DCAF8L1: variants seen among roughly 807,000 people sequenced by gnomAD.
DCAF8L1 encodes DDB1- and CUL4-associated factor 8-like protein 1.
For missense variants in DCAF8L1, 434 were observed against 481.6 expected, an observed-to-expected ratio of 0.90 and a Z score of 0.92; for synonymous variants, 217 against 186.8, an observed-to-expected ratio of 1.16 and a Z score of -1.32.
At position 27,981,425 on chromosome X, in the gene DCAF8L1, C is replaced by T. The variant is rs1020744384; in HGVS notation, c.-91G>A. 2.3e-5 allele frequency: 25 copies of T among 1,108,272 alleles called. No homozygotes were observed. Among genetic ancestry groups the T allele is most frequent in the Non-Finnish European group, 3.0e-5 (25 of 834,201 alleles). The allele number at this position is 1,108,272 out of a possible 1,213,427, so 91.3% of individuals were successfully genotyped here. A position where few individuals can be genotyped will look rare whatever the true frequency, so the allele number is the denominator to read the frequency against. On this transcript the variant is annotated 5_prime_UTR_variant, in exon 1 of 1. Coordinates refer to ENST00000441525, the MANE Select transcript of DCAF8L1 (RefSeq NM_001017930.2). The stretch of plus-strand genomic sequence containing the variant: ...AGAGCACGCCTGCCCCGAGGACGGA[C>T]GGTCGGAGAAGGCAGTAGGTAAGCA...
chrX:27,978,793 G>C lies in DCAF8L1; in HGVS notation c.*739C>G, dbSNP rs931069007. ...CTCTGTGTGTATGTGTGTGTGCATAGCTGGCCAGGAGCTCTGTGCCATCGT... is the reference window on the plus strand; with the variant it reads ...CTCTGTGTGTATGTGTGTGTGCATACCTGGCCAGGAGCTCTGTGCCATCGT... On this transcript the variant is annotated 3_prime_UTR_variant, in exon 1 of 1. Coordinates refer to ENST00000441525, the MANE Select transcript of DCAF8L1 (RefSeq NM_001017930.2). 3.2e-5 allele frequency: 27 copies of C among 842,118 alleles called. No individual in the cohort carries two copies. The Admixed American group carries it at 5.5e-4, about 17-fold the overall frequency. 69.4% of individuals were successfully genotyped at this position (842,118 alleles called of 1,213,427 possible).
rs184621419 is a variant in DCAF8L1 at position 27,980,360 on chromosome X, A to C, written c.975T>G (p.Val325=). Residue 325 remains valine (V), a synonymous_variant, in exon 1 of 1, where the codon GTT becomes GTG. Transcript: ENST00000441525. ...TCTTATCATTTTCTCTTGTTACCACAACTTTTGAAGCTGGCCGGTCTTGCC... is the reference window on the plus strand; with the variant it reads ...TCTTATCATTTTCTCTTGTTACCACCACTTTTGAAGCTGGCCGGTCTTGCC... ...DLRQDRPASK[V]VVTRENDKKV... is the part of the protein sequence containing the mutation. 1 of 1,210,597 alleles carries C rather than the reference A, an allele frequency of 8.3e-7. No individual in the cohort carries two copies. The highest frequency in any genetic ancestry group is 3.0e-5 in the East Asian group (1 of 33,733).
chrX:27,980,573 G>C lies in DCAF8L1; in HGVS notation c.762C>G (p.Ser254=). ...QAKFFPNCGD[S]TLAMCGHDGQ... The stretch of plus-strand genomic sequence containing the variant: ...CATCATGGCCACACATGGCCAGAGT[G>C]GAATCACCACAGTTAGGAAAGAACT... The change falls in exon 1 of 1, where the codon TCC becomes TCG. Residue 254 remains serine, a synonymous_variant. Transcript: ENST00000441525. 8.2e-7 allele frequency: 1 copy of C among 1,212,125 alleles called. No homozygotes were observed. Among genetic ancestry groups the C allele is most frequent in the Non-Finnish European group, 1.1e-6 (1 of 895,626 alleles).
Position 27,980,284 on chromosome X carries a change from C to A in DCAF8L1, c.1051G>T (p.Ala351Ser). The change falls in exon 1 of 1, where the codon GCA becomes TCA. Residue 351 changes from alanine (A) to serine (S), a missense_variant. By Grantham distance (99) the Ala-to-Ser change is moderately conservative. Coordinates refer to ENST00000441525, the MANE Select transcript of DCAF8L1 (RefSeq NM_001017930.2). ...ACAAACTGATCATGTCCACCCACTG[C>A]AAATTGGTAAATATTGGCAGGATTC... ...SMNPANIYQF[A>S]VGGHDQFVRI... 2.5e-6 allele frequency: 3 copies of A among 1,211,863 alleles called. No homozygotes were observed. In the East Asian group the frequency reaches 8.9e-5, roughly 36 times the overall value.
chrX:27,979,820 G>T lies in DCAF8L1; in HGVS notation c.1515C>A (p.Val505=). 1 of 1,211,040 alleles carries T rather than the reference G, an allele frequency of 8.3e-7. No individual in the cohort carries two copies. Among genetic ancestry groups the T allele is most frequent in the Non-Finnish European group, 1.1e-6 (1 of 895,329 alleles). The change falls in exon 1 of 1, where the codon GTC becomes GTA. Residue 505 remains valine (V), a synonymous_variant. Coordinates refer to ENST00000441525, the MANE Select transcript of DCAF8L1 (RefSeq NM_001017930.2). The stretch of plus-strand genomic sequence containing the variant: ...TTTTAGCTGTGGGTGTCCAGATCCT[G>T]ACATGCTGATCTAGGCCACTGGTCG... ...VLATSGLDQH[V]RIWTPTAKTA...
chrX:27,980,671 C>G lies in DCAF8L1; in HGVS notation c.664G>C (p.Val222Leu). 8.2e-7 allele frequency: 1 copy of G among 1,212,125 alleles called. No homozygotes were observed. ...ASSGDDLRVIVWDWVRQKPVL... is the reference protein window; with the variant it reads ...ASSGDDLRVILWDWVRQKPVL... Reference sequence around the variant, plus strand: ...GGCTTCTGCCGCACCCAGTCCCACACTATCACCCTTAAGTCATCACCGCTA... The same window carrying G: ...GGCTTCTGCCGCACCCAGTCCCACAGTATCACCCTTAAGTCATCACCGCTA... The change falls in exon 1 of 1, where the codon GTG (valine) becomes CTG (leucine). Residue 222 changes from valine to leucine, a missense_variant. Val to Leu is a conservative substitution (Grantham distance 32, BLOSUM62 1). Coordinates refer to ENST00000441525, the MANE Select transcript of DCAF8L1 (RefSeq NM_001017930.2).
At position 27,981,431 on chromosome X, in the gene DCAF8L1, G is replaced by T; in HGVS notation, c.-97C>A. 1 of 1,085,112 alleles carries T rather than the reference G, an allele frequency of 9.2e-7. No homozygotes were observed. The highest frequency in any genetic ancestry group is 1.8e-5 in the African/African-American group (1 of 54,176). The allele number at this position is 1,085,112 out of a possible 1,213,427, so 89.4% of individuals were successfully genotyped here. On this transcript the variant is annotated 5_prime_UTR_variant, in exon 1 of 1. Transcript: ENST00000441525. ...CGCCTGCCCCGAGGACGGACGGTCG[G>T]AGAAGGCAGTAGGTAAGCAGCAAAG...
At position 27,980,790 on chromosome X, in the gene DCAF8L1, A is replaced by C; in HGVS notation, c.545T>G (p.Phe182Cys). The C allele has an allele frequency of 1.7e-6, 2 of 1,209,322 alleles. No individual in the cohort carries two copies. The highest frequency in any genetic ancestry group is 2.3e-4 in the Middle Eastern group (1 of 4,345). The stretch of plus-strand genomic sequence containing the variant: ...ATACTGCAGGCGGAAACGCTGCACA[A>C]AGGTTCTTGCCCCACAGGCCTCATA... ...FVYEACGART[F>C]VQRFRLQYLL... The change falls in exon 1 of 1, where the codon TTT (phenylalanine) becomes TGT (cysteine). Residue 182 changes from phenylalanine to cysteine, a missense_variant. Coordinates refer to ENST00000441525, the MANE Select transcript of DCAF8L1 (RefSeq NM_001017930.2).
Position 27,981,075 on chromosome X carries a change from C to T in DCAF8L1, c.260G>A (p.Gly87Asp), listed in dbSNP as rs1926641637. ...TCCCACTAACGGGTAACCAAATAAA[C>T]CTTCACCCATGCTTTCAAGTTCGAC... ...EDVELESMGEGLFGYPLVGEE... is the reference protein window; with the variant it reads ...EDVELESMGEDLFGYPLVGEE... The change falls in exon 1 of 1, where the codon GGT (glycine) becomes GAT (aspartate). Residue 87 changes from glycine to aspartate, a missense_variant. Gly to Asp is a moderately conservative substitution (Grantham distance 94). Transcript: ENST00000441525. The T allele has an allele frequency of 8.3e-7, 1 of 1,210,281 alleles. No individual in the cohort carries two copies. Among genetic ancestry groups the T allele is most frequent in the South Asian group, 1.8e-5 (1 of 56,838 alleles).
rs1425153538 is a variant in DCAF8L1, at chrX:27,978,878, G to C, written c.*654C>G. On this transcript the variant is annotated 3_prime_UTR_variant, in exon 1 of 1. Coordinates refer to ENST00000441525, the MANE Select transcript of DCAF8L1 (RefSeq NM_001017930.2). ...ATCACAATTAACCAGATGATGAAGA[G>C]TGAATTTCTTGAGTACTCCATTGTT... 5 of 873,632 alleles carry C rather than the reference G, an allele frequency of 5.7e-6. No homozygotes were observed. The highest frequency in any genetic ancestry group is 8.3e-6 in the Non-Finnish European group (5 of 600,156). The allele number at this position is 873,632 out of a possible 1,213,427, so 72.0% of individuals were successfully genotyped here.
Position 27,981,238 on chromosome X carries a change from TCAC to T in DCAF8L1, c.94_96del (p.Val32del). On this transcript the variant is annotated inframe_deletion, in exon 1 of 1. Coordinates refer to ENST00000441525, the MANE Select transcript of DCAF8L1 (RefSeq NM_001017930.2). ...ATTTCAATGTCTGAGGAGGCCGCCGTCACCGCTGCTACTCCAGACTGCTCCTCT... is the reference window on the plus strand; with the variant it reads ...ATTTCAATGTCTGAGGAGGCCGCCGTCGCTGCTACTCCAGACTGCTCCTCT... The T allele has an allele frequency of 8.3e-7, 1 of 1,211,053 alleles. No individual in the cohort carries two copies. The highest frequency in any genetic ancestry group is 1.8e-5 in the South Asian group (1 of 56,881).
At position 27,981,342 on chromosome X, in the gene DCAF8L1, G is replaced by T. The variant is rs375923258; in HGVS notation, c.-8C>A. ...GCCCTCTTGGTGGGACATCTCGAAC[G>T]ATGTTTGCTGTAGCTGATCTGGAAC... On this transcript the variant is annotated 5_prime_UTR_variant, in exon 1 of 1. Coordinates refer to ENST00000441525, the MANE Select transcript of DCAF8L1 (RefSeq NM_001017930.2). 1.7e-6 allele frequency: 2 copies of T among 1,200,291 alleles called. No homozygotes were observed. Among genetic ancestry groups the T allele is most frequent in the Non-Finnish European group, 1.1e-6 (1 of 889,127 alleles).
At position 27,978,885 on chromosome X, in the gene DCAF8L1, T is replaced by A. The variant is rs1926578872; in HGVS notation, c.*647A>T. The A allele has an allele frequency of 2.5e-5, 21 of 836,724 alleles. No individual in the cohort carries two copies. The South Asian group carries it at 4.2e-4, about 17-fold the overall frequency. 69.0% of individuals were successfully genotyped at this position (836,724 alleles called of 1,213,427 possible). A position where few individuals can be genotyped will look rare whatever the true frequency, so the allele number is the denominator to read the frequency against. ...TTAACCAGATGATGAAGAGTGAATT[T>A]CTTGAGTACTCCATTGTTTTCTTTC... On this transcript the variant is annotated 3_prime_UTR_variant, in exon 1 of 1. Coordinates refer to ENST00000441525, the MANE Select transcript of DCAF8L1 (RefSeq NM_001017930.2).
chrX:27,978,863 A>G lies in DCAF8L1; in HGVS notation c.*669T>C. The G allele has an allele frequency of 1.1e-6, 1 of 899,097 alleles. No individual in the cohort carries two copies. Among genetic ancestry groups the G allele is most frequent in the Non-Finnish European group, 1.6e-6 (1 of 621,280 alleles). 74.1% of individuals were successfully genotyped at this position (899,097 alleles called of 1,213,427 possible). On this transcript the variant is annotated 3_prime_UTR_variant, in exon 1 of 1. Transcript: ENST00000441525. ...GATGTTTGTTGGAAAATCACAATTA[A>G]CCAGATGATGAAGAGTGAATTTCTT...
Position 27,980,152 on chromosome X carries a change from A to T in DCAF8L1, c.1183T>A (p.Cys395Ser). 8.3e-7 allele frequency: 1 copy of T among 1,211,924 alleles called. No homozygotes were observed. Among genetic ancestry groups the T allele is most frequent in the Non-Finnish European group, 1.1e-6 (1 of 895,603 alleles). ...VYCDFPTNIT[C>S]VVYSHDGTEL... ...GTGCCATCGTGGCTGTACACAACGCAGGTGATGTTTGTTGGGAAATCACAA... is the reference window on the plus strand; with the variant it reads ...GTGCCATCGTGGCTGTACACAACGCTGGTGATGTTTGTTGGGAAATCACAA... Residue 395 changes from cysteine (C) to serine (S), a missense_variant, in exon 1 of 1, where the codon TGC becomes AGC. Physicochemically the swap from Cys to Ser is moderately radical, Grantham distance 112. Coordinates refer to ENST00000441525, the MANE Select transcript of DCAF8L1 (RefSeq NM_001017930.2).
In DCAF8L1 at chrX:27,980,075, A is replaced by G. The variant is rs774275461; in HGVS notation, c.1260T>C (p.Ser420=). 2 of 1,209,496 alleles carry G rather than the reference A, an allele frequency of 1.7e-6. No homozygotes were observed. Among genetic ancestry groups the G allele is most frequent in the Admixed American group, 4.4e-5 (2 of 45,641 alleles). ...NDEDIYLFNS[S]LSDGAQYVKR... ...TAACATATTGAGCACCATCACTGAG[A>G]GAGGAGTTGAAGAGGTAAATATCTT... Residue 420 remains serine, a synonymous_variant, in exon 1 of 1, where the codon TCT becomes TCC. Transcript: ENST00000441525.
In DCAF8L1 at chrX:27,978,958, A is replaced by G; in HGVS notation, c.*574T>C. On this transcript the variant is annotated 3_prime_UTR_variant, in exon 1 of 1. Coordinates refer to ENST00000441525, the MANE Select transcript of DCAF8L1 (RefSeq NM_001017930.2). ...AAATCCTTAAAAACCGATCATGTCC[A>G]CCCACTGCGAATTGGTAAATATTGG... is the stretch of plus-strand genomic sequence containing the variant. 1 of 654,973 alleles carries G rather than the reference A, an allele frequency of 1.5e-6. No homozygotes were observed. The highest frequency in any genetic ancestry group is 2.4e-6 in the Non-Finnish European group (1 of 422,481). 54.0% of individuals were successfully genotyped at this position (654,973 alleles called of 1,213,427 possible). A position where few individuals can be genotyped will look rare whatever the true frequency, so the allele number is the denominator to read the frequency against.
At position 27,981,205 on chromosome X, in the gene DCAF8L1, T is replaced by A. The variant is rs202120447; in HGVS notation, c.130A>T (p.Thr44Ser). 8.3e-7 allele frequency: 1 copy of A among 1,209,863 alleles called. No individual in the cohort carries two copies. Among genetic ancestry groups the A allele is most frequent in the African/African-American group, 1.8e-5 (1 of 57,135 alleles). The change falls in exon 1 of 1, where the codon ACA (threonine) becomes TCA (serine). Residue 44 changes from threonine to serine, a missense_variant. Physicochemically the swap from Thr to Ser is moderately conservative, Grantham distance 58. Coordinates refer to ENST00000441525, the MANE Select transcript of DCAF8L1 (RefSeq NM_001017930.2). ...CCACCATCTCCGGTCGATGGCTCTG[T>A]GGCTGCCATTTCAATGTCTGAGGAG... ...AASSDIEMAATEPSTGDGGDT... is the reference protein window; with the variant it reads ...AASSDIEMAASEPSTGDGGDT...
rs144689496 is a variant in DCAF8L1 at position 27,980,408 on chromosome X, G to C, written c.927C>G (p.Ala309=). ...PYKFLTSGED[A]VVFTIDLRQD... is the part of the protein sequence containing the mutation. ...GCCTGAGGTCAATGGTGAACACAAC[G>C]GCATCTTCACCTGAAGTGAGGAACT... The change falls in exon 1 of 1, where the codon GCC becomes GCG. Residue 309 remains alanine, a synonymous_variant. Transcript: ENST00000441525. 2 of 1,211,975 alleles carry C rather than the reference G, an allele frequency of 1.7e-6. No individual in the cohort carries two copies. Among genetic ancestry groups the C allele is most frequent in the Non-Finnish European group, 2.2e-6 (2 of 895,560 alleles).
Sources: gnomAD v4.1 joint callset for allele counts on GRCh38, gnomAD v4.1.1 for gene constraint, MANE v1.5 for transcripts, NCBI Gene and HGNC (gene_info 2026-07-23, HGNC 2026-07-21) for gene names.